Variants in DGKB observed in about 807,000 individuals in gnomAD.
DGKB encodes the protein 90 kDa diacylglycerol kinase.
DGKB carries 67 observed loss-of-function variants against 114.3 expected under a neutral mutation model. That is an observed-to-expected ratio of 0.59 (90% CI 0.48 to 0.72). The LOEUF (loss-of-function observed/expected upper bound fraction) is 0.72, where lower values mean the gene tolerates loss of function less well. Among genes scored for constraint, DGKB ranks in the 30% least tolerant of loss-of-function variants. DGKB has a pLI of 0.00. For missense variants in DGKB, 907 were observed against 975.2 expected, an observed-to-expected ratio of 0.93 and a Z score of 0.93; for synonymous variants, 398 against 323.1, an observed-to-expected ratio of 1.23 and a Z score of -2.49.
At chr7:14,876,167 G>C (rs1337268914) in intron 1 of DGKB, among the ~76,000 whole-genome samples, 1 of 152,070 alleles carries the variant, frequency 6.6e-6, no homozygotes, top group East Asian at 1.9e-4. Flanking sequence ...GTTTACCATT[G>C]CCATGGCAAC....
Position 14,457,588 on chromosome 7 carries a change from T to A in DGKB, c.1835+20573A>T, listed in dbSNP as rs573878798. On this transcript the variant is annotated intron_variant, in intron 21 of 25. Coordinates refer to ENST00000402815, the MANE Select transcript of DGKB (RefSeq NM_001350709.2). ...ATTATTTCAGACATTTTGCATTTAT[T>A]TAATTTCCAATGCTGCAATTAAGAA... Among the ~76,000 whole-genome samples the A allele has an allele frequency of 2.0e-4, 31 of 152,362 alleles. 1 individual carries two copies. The South Asian group carries it at 6.0e-3, about 30-fold the overall frequency.
chr7:14,926,333 T>G (rs1162623577), intron 1 of DGKB, among the ~76,000 whole-genome samples: 1 of 152,030 alleles, frequency 6.6e-6, no homozygotes. Flanking sequence ...CTCATTTAAT[T>G]TGTGATTTCC....
At chr7:14,261,870 T>C (rs969826750) in intron 23 of DGKB, among the ~76,000 whole-genome samples, 3 of 152,182 alleles carry the variant, frequency 2.0e-5, no homozygotes, top group Admixed American at 2.0e-4. Context: ...TGGAAAGCAA[T>C]TGGCATTAAA....
chr7:14,297,963 A>C (rs1332880230), intron 23 of DGKB, among the ~76,000 whole-genome samples: 1 of 152,208 alleles, frequency 6.6e-6, no homozygotes, highest in Non-Finnish European at 1.5e-5. Context: ...CAATTGCTAC[A>C]AAGGGAATAA....
chr7:14,968,359 T>C (rs1462742925), intron 1 of DGKB, among the ~76,000 whole-genome samples: 2 of 152,182 alleles, frequency 1.3e-5, no homozygotes, highest in East Asian at 1.9e-4. Flanking sequence ...AAATGTAATA[T>C]TGTATTCACA....
chr7:14,654,000 C>G (rs1369101416), intron 13 of DGKB, among the ~76,000 whole-genome samples: 1 of 152,046 alleles, frequency 6.6e-6, no homozygotes, highest in African/African-American at 2.4e-5. Flanking sequence ...ACTTTTACCA[C>G]TCTTATTCAA....
At chr7:14,571,177 A>G (rs1183593952) in intron 20 of DGKB, among the ~76,000 whole-genome samples, 1 of 152,238 alleles carries the variant, frequency 6.6e-6, no homozygotes, top group African/African-American at 2.4e-5. Context: ...TTATTTAGGA[A>G]AAACTACTGA....
chr7:14,877,095 T>A (rs562579638), intron 1 of DGKB, among the ~76,000 whole-genome samples: 2 of 152,324 alleles, frequency 1.3e-5, no homozygotes, highest in East Asian at 3.9e-4. Flanking sequence ...AACTTTTTTC[T>A]CATATAACAA....
intron 1 of DGKB, among the ~76,000 whole-genome samples, chr7:14,882,738 G>C (rs909206555): frequency 1.3e-5 from 2 of 151,852 alleles, no homozygotes; most frequent in Non-Finnish European, 2.9e-5. Context: ...ATAACCTTCA[G>C]TTCCATCTAT....
chr7:14,633,435 AAC>A, intron 13 of DGKB, among the ~76,000 whole-genome samples: 1 of 151,912 alleles, frequency 6.6e-6, no homozygotes, highest in Non-Finnish European at 1.5e-5. Context: ...ACATATATCT[AAC>A]CTCATTTACA....
chr7:14,186,951 C>T (rs1783534216), intron 23 of DGKB, among the ~76,000 whole-genome samples: 2 of 152,038 alleles, frequency 1.3e-5, no homozygotes, highest in South Asian at 4.1e-4. Flanking sequence ...ACCAAAATGT[C>T]ACAAATAACC....
chr7:14,458,861 C>T (rs947554812), intron 21 of DGKB, among the ~76,000 whole-genome samples: 2 of 152,174 alleles, frequency 1.3e-5, no homozygotes, highest in African/African-American at 2.4e-5. Flanking sequence ...GAACCGTTCA[C>T]TCTCCTGGAA....
chr7:14,289,107 G>C (rs1801339396), intron 23 of DGKB, among the ~76,000 whole-genome samples: 1 of 151,822 alleles, frequency 6.6e-6, no homozygotes, highest in South Asian at 2.1e-4. Context: ...ATAGAATGAG[G>C]CTTTAAAAAT....
chr7:14,875,451 C>G (rs771144356), intron 1 of DGKB, among the ~76,000 whole-genome samples: 1 of 152,096 alleles, frequency 6.6e-6, no homozygotes, highest in Non-Finnish European at 1.5e-5. Flanking sequence ...ACACTATAAT[C>G]TGAAATATAC....
At chr7:14,393,179 C>G (rs1168265660) in intron 21 of DGKB, among the ~76,000 whole-genome samples, 2 of 151,208 alleles carry the variant, frequency 1.3e-5, no homozygotes, top group Non-Finnish European at 3.0e-5. Flanking sequence ...TTAGTAGAGA[C>G]GGGGTTTCAC....
chr7:14,387,763 T>C (rs1820650498), intron 21 of DGKB, among the ~76,000 whole-genome samples: 1 of 152,144 alleles, frequency 6.6e-6, no homozygotes, highest in African/African-American at 2.4e-5. Flanking sequence ...TCATCAGTCA[T>C]ATTACTTTTT....
At chr7:14,937,039 C>T (rs1417470517) in intron 1 of DGKB, among the ~76,000 whole-genome samples, 4 of 143,060 alleles carry the variant, frequency 2.8e-5, no homozygotes, top group African/African-American at 1.1e-4. Flanking sequence ...CACACACACA[C>T]ACACACACAC....
intron 22 of DGKB, among the ~76,000 whole-genome samples, chr7:14,339,439 A>T (rs554732266): frequency 2.0e-5 from 3 of 149,066 alleles, no homozygotes; most frequent in African/African-American, 7.6e-5. Flanking sequence ...AAAAATGGTT[A>T]AAAAAAAACC....
rs138072777 is a variant in DGKB, at chr7:14,423,836, T to C, written c.1835+54325A>G. Among the ~76,000 whole-genome samples the C allele has an allele frequency of 2.2e-3, 335 of 152,240 alleles. 1 individual carries two copies. Among genetic ancestry groups the C allele is most frequent in the Non-Finnish European group, 3.9e-3 (266 of 67,980 alleles). On this transcript the variant is annotated intron_variant, in intron 21 of 25. Transcript: ENST00000402815. ...TTAATTGCTTTCTCATCAATCTATT[T>C]CTCCCCTGGTCTTTTCCTCTTTGTA...
Sources: allele counts gnomAD v4.1 joint callset (sites outside exome capture counted in the v4.1 genomes callset), GRCh38; gene constraint gnomAD v4.1.1; transcripts MANE v1.5; gene names NCBI Gene and HGNC (gene_info 2026-07-23, HGNC 2026-07-21).